The following MACF1 variants were observed in gnomAD, a reference collection of about 807,000 sequenced individuals.
The protein encoded by MACF1 is microtubule-actin cross-linking factor 1.
A neutral mutation model predicts 854.8 loss-of-function variants in MACF1; 193 were observed. The ratio of observed to expected loss-of-function variants is 0.23; its 90% CI spans 0.20 to 0.25. The LOEUF is 0.25. Ranked by LOEUF, MACF1 falls within the 10% of genes least tolerant of loss-of-function variation. The pLI, the probability that MACF1 is intolerant of heterozygous loss-of-function variation, is 1.00. For missense variants in MACF1, 7,722 were observed against 8,929.1 expected (o/e 0.86, Z 5.45); for synonymous variants, 3,185 against 3,226.7 (o/e 0.99, Z 0.44).
At chr1:39,102,842 G>T (rs1355595798) in intron 2 of MACF1, 1 of 702,532 alleles carries the variant, frequency 1.4e-6, no homozygotes, top group Non-Finnish European at 2.6e-6. Context: ...GTGTGGTCTG[G>T]CTATAAATTT....
intron 6 of MACF1, among the ~76,000 whole-genome samples, chr1:39,281,202 C>G (rs566805389): frequency 7.9e-5 from 12 of 152,124 alleles, no homozygotes; most frequent in African/African-American, 2.9e-4. Flanking sequence ...TAAAAATGTA[C>G]AGGATGCAGA....
At chr1:39,370,275 A>G (rs1393443264) in intron 51 of MACF1, 89 bp downstream of exon 51, 2 of 1,219,886 alleles carry the variant, frequency 1.6e-6, no homozygotes, top group Non-Finnish European at 2.2e-6. Flanking sequence ...GGGGAAATGT[A>G]TGAGAAATCC....
At chr1:39,307,429 C>T (rs1267355548) in intron 23 of MACF1, among the ~76,000 whole-genome samples, 1 of 152,152 alleles carries the variant, frequency 6.6e-6, no homozygotes, top group Non-Finnish European at 1.5e-5. Context: ...ATCTTTATTT[C>T]TCTGCAAGTG....
intron 2 of MACF1, among the ~76,000 whole-genome samples, chr1:39,190,760 C>T (rs1442478604): frequency 1.3e-5 from 2 of 151,832 alleles, no homozygotes; most frequent in East Asian, 1.9e-4. Flanking sequence ...TTTGGGAGGC[C>T]GAGGCAGGTG....
At chr1:39,364,557 A>G (rs1159382922) in intron 49 of MACF1, among the ~76,000 whole-genome samples, 6 of 150,472 alleles carry the variant, frequency 4.0e-5, no homozygotes, top group African/African-American at 9.8e-5. Flanking sequence ...CAGTGGCGCG[A>G]TCTCGGCTCA....
At position 39,441,217 on chromosome 1, in the gene MACF1, C is replaced by T; in HGVS notation, c.18571-7C>T. 8.1e-6 allele frequency: 13 copies of T among 1,613,784 alleles called. No homozygotes were observed. Among genetic ancestry groups the T allele is most frequent in the Non-Finnish European group, 1.1e-5 (13 of 1,179,756 alleles). On this transcript the variant is annotated splice_region_variant and splice_polypyrimidine_tract_variant and intron_variant, in intron 73 of 100. Coordinates refer to ENST00000564288, the MANE Select transcript of MACF1 (RefSeq NM_001394062.1). ...TTGAAGAATCTGATTGAATGTTTTT[C>T]CCCTAGATGAATAATGCTTGGGAGA...
intron 58 of MACF1, among the ~76,000 whole-genome samples, chr1:39,417,977 G>A (rs186899996): frequency 6.6e-6 from 1 of 152,104 alleles, no homozygotes; most frequent in African/African-American, 2.4e-5. Context: ...ATACTGAGTG[G>A]AGGAGGCAGA....
chr1:39,130,396 G>T (rs1571078040), intron 2 of MACF1, among the ~76,000 whole-genome samples: 1 of 152,196 alleles, frequency 6.6e-6, no homozygotes, highest in East Asian at 1.9e-4. Flanking sequence ...ATGGTACTGA[G>T]ACTGCCTTGG....
Position 39,442,779 on chromosome 1 carries a change from G to C in MACF1, c.19170G>C (p.Glu6390Asp), listed in dbSNP as rs1211763847. The C allele has an allele frequency of 6.2e-7, 1 of 1,614,160 alleles. No homozygotes were observed. Among genetic ancestry groups the C allele is most frequent in the Admixed American group, 1.7e-5 (1 of 60,020 alleles). ...AAACAGTCAACAAAGCTGGCAATGA[G>C]CTTCTTGAATCCAGTGCTGGAGATG... ...TVETVNKAGN[E>D]LLESSAGDDA... Residue 6390 changes from glutamate (E) to aspartate (D), a missense_variant, in exon 78 of 101, where the codon GAG becomes GAC. Glu to Asp is a conservative substitution (Grantham distance 45). This residue lies in a region of MACF1 where 729 missense variants were observed against 900.5 expected (regional missense o/e 0.81). Coordinates refer to ENST00000564288, the MANE Select transcript of MACF1 (RefSeq NM_001394062.1).
At chr1:39,386,458 G>T (rs1419095265) in intron 57 of MACF1, among the ~76,000 whole-genome samples, 1 of 146,156 alleles carries the variant, frequency 6.8e-6, no homozygotes, top group African/African-American at 2.6e-5. Flanking sequence ...TTGAGACAGA[G>T]TCTCACTCTG....
intron 23 of MACF1, chr1:39,304,152 A>T (rs1195529195): frequency 5.1e-6 from 1 of 195,946 alleles, no homozygotes; most frequent in Non-Finnish European, 1.0e-5. Flanking sequence ...TATATCTCCT[A>T]ATGCTATCCC....
At chr1:39,414,600 A>C in intron 58 of MACF1, 1 of 1,442,732 alleles carries the variant, frequency 6.9e-7, no homozygotes, top group Non-Finnish European at 9.4e-7. Context: ...TCCCGGGCTT[A>C]TAGTTTGTAG....
rs1245544748 is a variant in MACF1, at chr1:39,335,542, G to C, written c.8954G>C (p.Ser2985Thr). 26 of 1,614,040 alleles carry C rather than the reference G, an allele frequency of 1.6e-5. No individual in the cohort carries two copies. Among genetic ancestry groups the C allele is most frequent in the Non-Finnish European group, 2.1e-5 (25 of 1,180,018 alleles). The change falls in exon 37 of 101, where the codon AGT (serine) becomes ACT (threonine). Residue 2985 changes from serine (S) to threonine (T), a missense_variant. By Grantham distance (58) the Ser-to-Thr change is moderately conservative (BLOSUM62 1). Coordinates refer to ENST00000564288, the MANE Select transcript of MACF1 (RefSeq NM_001394062.1). ...AAGAGGGAGGTGATTGTAGAAGAAAGTATCAGAACATGCAAACCAGCATTT... is the reference window on the plus strand; with the variant it reads ...AAGAGGGAGGTGATTGTAGAAGAAACTATCAGAACATGCAAACCAGCATTT... ...REKREVIVEE[S>T]IRTCKPAFLS... is the part of the protein sequence containing the mutation.
chr1:39,338,209 TCTTA>T (rs969672772), intron 38 of MACF1, among the ~76,000 whole-genome samples: 2 of 152,066 alleles, frequency 1.3e-5, no homozygotes, highest in African/African-American at 2.4e-5. Context: ...AGTTAATCTC[TCTTA>T]CTTCCTAAAA....
intron 2 of MACF1, among the ~76,000 whole-genome samples, chr1:39,101,753 G>A (rs1642083859): frequency 6.6e-6 from 1 of 150,818 alleles, no homozygotes; most frequent in Non-Finnish European, 1.5e-5. Flanking sequence ...GAACCCGGGA[G>A]GTGGAGGTTG....
chr1:39,457,211 C>G (rs886595323), intron 89 of MACF1: 2 of 152,296 alleles, frequency 1.3e-5, no homozygotes, highest in African/African-American at 2.4e-5. Flanking sequence ...TATCTTTGCC[C>G]CCTTGCCTGA....
intron 40 of MACF1, among the ~76,000 whole-genome samples, chr1:39,344,125 AAAAG>A (rs2148489274): frequency 6.7e-6 from 1 of 149,900 alleles, no homozygotes; most frequent in African/African-American, 2.5e-5. Context: ...CAAAAAAAAA[AAAAG>A]AAAAAAAGTT....
rs1340934703 is a variant in MACF1 at position 39,119,257 on chromosome 1, C to T, written c.220+34819C>T. 1.0e-4 allele frequency among the ~76,000 whole-genome samples: 14 copies of T among 133,482 alleles called. No individual in the cohort carries two copies. The South Asian group carries it at 3.0e-3, about 28-fold the overall frequency. The allele number at this position is 133,482 out of a possible 152,430, so 87.6% of individuals were successfully genotyped here. On this transcript the variant is annotated intron_variant, in intron 2 of 93. Transcript: ENST00000361689. Reference sequence around the variant, plus strand: ...GCTTGAACCCGGGAGGCGGAGGTTGCGGTGAGCCGAGATCGCACCATTGCA... The same window carrying T: ...GCTTGAACCCGGGAGGCGGAGGTTGTGGTGAGCCGAGATCGCACCATTGCA...
intron 42 of MACF1, 49 bp downstream of exon 42, chr1:39,349,676 A>G: frequency 6.3e-7 from 1 of 1,592,732 alleles, no homozygotes; most frequent in Non-Finnish European, 8.6e-7. Context: ...TCTATCGCTT[A>G]GGCTGGAGTA....
Sources: gnomAD v4.1 joint callset for allele counts (sites outside exome capture counted in the v4.1 genomes callset) on GRCh38, gnomAD v4.1.1 for gene constraint, gnomAD v4.1.1 regional missense constraint, MANE v1.5 for transcripts, NCBI Gene and HGNC (gene_info 2026-07-23, HGNC 2026-07-21) for gene names.